IKBKE: variants seen among roughly 807,000 people sequenced by gnomAD.
IKBKE encodes the protein inhibitor of nuclear factor kappa B kinase subunit epsilon.
IKBKE carries 45 observed loss-of-function variants against 92.1 expected under a neutral mutation model. That is an observed-to-expected ratio of 0.49 (90% CI 0.38 to 0.63). The LOEUF (loss-of-function observed/expected upper bound fraction) is 0.63, where lower values mean the gene tolerates loss of function less well. Ranked by LOEUF, IKBKE falls within the 20% of genes least tolerant of loss-of-function variation. IKBKE has a pLI of 0.00. For synonymous variants in IKBKE, 374 were observed against 380.3 expected (o/e 0.98, Z 0.19); for missense variants, 700 against 932.8 (o/e 0.75, Z 3.25).
Position 206,487,639 on chromosome 1 carries a change from G to A in IKBKE, c.1617-275G>A, listed in dbSNP as rs370214229. ...ACGTTCCTGTTGCCCGTCCTGCTTG[G>A]CTTCCTGTCTCTCTTATCTCCTACT... On this transcript the variant is annotated intron_variant, in intron 15 of 21. Coordinates refer to ENST00000581977, the MANE Select transcript of IKBKE (RefSeq NM_014002.4). The surrounding 1 kb of genome is among the most constrained non-coding windows in gnomAD (Gnocchi z 5.3). 1.3e-5 allele frequency among the ~76,000 whole-genome samples: 2 copies of A among 152,100 alleles called. No homozygotes were observed. The highest frequency in any genetic ancestry group is 1.3e-4 in the Admixed American group (2 of 15,274).
rs1666040427 is a variant in IKBKE, at chr1:206,493,135, G to C, written c.1932+16G>C. ...TCTCAGCAAGGTGGGCATGGCAGAA[G>C]GATTCTAGGTGCTCTGGGGATGCAG... On this transcript the variant is annotated intron_variant, in intron 19 of 21. Transcript: ENST00000581977. 4 of 1,582,694 alleles carry C rather than the reference G, an allele frequency of 2.5e-6. No individual in the cohort carries two copies. The highest frequency in any genetic ancestry group is 2.6e-6 in the Non-Finnish European group (3 of 1,164,354).
Position 206,480,022 on chromosome 1 carries a change from G to A in IKBKE, c.1249G>A (p.Gly417Ser), listed in dbSNP as rs1665286539. Residue 417 changes from glycine to serine, a missense_variant and splice_region_variant, in exon 12 of 22, where the codon GGC (glycine) becomes AGC (serine). By Grantham distance (56) the Gly-to-Ser change is moderately conservative. Transcript: ENST00000581977. ...DLQADYNTAKGVLGAGYQALR... is the reference protein window; with the variant it reads ...DLQADYNTAKSVLGAGYQALR... Reference sequence around the variant, plus strand: ...GGCCCTGTGCATCTCTGTGTTTCAGGGCGTGTTGGGCGCCGGCTACCAGGC... The same window carrying A: ...GGCCCTGTGCATCTCTGTGTTTCAGAGCGTGTTGGGCGCCGGCTACCAGGC... 1 of 1,609,466 alleles carries A rather than the reference G, an allele frequency of 6.2e-7. No homozygotes were observed. Among genetic ancestry groups the A allele is most frequent in the Non-Finnish European group, 8.5e-7 (1 of 1,178,254 alleles).
At position 206,477,940 on chromosome 1, in the gene IKBKE, C is replaced by T; in HGVS notation, c.812+81C>T. 2 of 1,043,048 alleles carry T rather than the reference C, an allele frequency of 1.9e-6. 1 individual carries two copies. The highest frequency in any genetic ancestry group is 2.8e-5 in the South Asian group (2 of 72,530). The allele number at this position is 1,043,048 out of a possible 1,614,324, so 64.6% of individuals were successfully genotyped here. A position where few individuals can be genotyped will look rare whatever the true frequency, so the allele number is the denominator to read the frequency against. ...CTCTGCTAAGTCAAGACTTCTGAGG[C>T]CTGTTCCAGCAGGTTCCGGGCATGC... On this transcript the variant is annotated intron_variant, in intron 8 of 21. Transcript: ENST00000581977.
At chr1:206,477,699 C>A (rs367851984) in intron 7 of IKBKE, 50 bp from the exon 8 acceptor site, 3 of 1,176,724 alleles carry the variant, frequency 2.5e-6, no homozygotes, top group Non-Finnish European at 3.7e-6. Flanking sequence ...TGTCGTTGCC[C>A]GGCAATGTGA....
intron 18 of IKBKE, chr1:206,492,686 G>A (rs781923659): frequency 1.9e-6 from 1 of 519,658 alleles, no homozygotes; most frequent in East Asian, 5.1e-5. Flanking sequence ...CACACTGAGA[G>A]CCCTGGTGTG....
At chr1:206,480,150 C>A (rs201174054) in intron 12 of IKBKE, 37 bp downstream of exon 12, 31 of 1,350,980 alleles carry the variant, frequency 2.3e-5, no homozygotes, top group Admixed American at 2.8e-5. Flanking sequence ...GAGGGGGAGG[C>A]GGGCAGGAGA....
At chr1:206,472,747 A>G (rs2103445836) in intron 2 of IKBKE, 2 of 200,656 alleles carry the variant, frequency 1.0e-5, no homozygotes, top group South Asian at 7.2e-5. Flanking sequence ...AATCCTGGAG[A>G]TTTGTGGTGG....
intron 15 of IKBKE, among the ~76,000 whole-genome samples, chr1:206,486,477 G>T (rs1276733856): frequency 6.6e-6 from 1 of 150,972 alleles, no homozygotes; most frequent in African/African-American, 2.4e-5. Context: ...TTGGATGAAG[G>T]CTGTGGATCG....
Position 206,478,293 on chromosome 1 carries a change from C to A in IKBKE, c.946C>A (p.Leu316Met). ...LQRVVVHVFS[L>M]SQAVLHHIYI... is the part of the protein sequence containing the mutation. Reference sequence around the variant, plus strand: ...GCGAGTTGTCGTCCATGTCTTCTCCCTGTCCCAGGCAGTCCTGCACCACAT... The same window carrying A: ...GCGAGTTGTCGTCCATGTCTTCTCCATGTCCCAGGCAGTCCTGCACCACAT... Residue 316 changes from leucine to methionine, a missense_variant, in exon 9 of 22, where the codon CTG becomes ATG. Physicochemically the swap from Leu to Met is conservative, Grantham distance 15. Transcript: ENST00000581977. This position sits in a 1 kb window ranked among gnomAD's most constrained non-coding sequence, Gnocchi z 4.8. 6.2e-7 allele frequency: 1 copy of A among 1,614,096 alleles called. No individual in the cohort carries two copies.
rs936213243 is a variant in IKBKE, at chr1:206,485,912, C to T, written c.1616+606C>T. Among the ~76,000 whole-genome samples the T allele has an allele frequency of 6.6e-6, 1 of 152,216 alleles. No individual in the cohort carries two copies. The highest frequency in any genetic ancestry group is 1.9e-4 in the East Asian group (1 of 5,192). Reference sequence around the variant, plus strand: ...CCCAGCTGACTGTGGGGAGCCGCTGCCTACCTTGCCGCTTCTGACCAGGGG... The same window carrying T: ...CCCAGCTGACTGTGGGGAGCCGCTGTCTACCTTGCCGCTTCTGACCAGGGG... On this transcript the variant is annotated intron_variant, in intron 15 of 21. Coordinates refer to ENST00000581977, the MANE Select transcript of IKBKE (RefSeq NM_014002.4). The surrounding 1 kb of genome is among the most constrained non-coding windows in gnomAD (Gnocchi z 5.0).
chr1:206,472,427 T>TG (rs752209736), intron 2 of IKBKE, among the ~76,000 whole-genome samples: 1 of 152,256 alleles, frequency 6.6e-6, no homozygotes, highest in East Asian at 1.9e-4. Flanking sequence ...AACTAGGCTT[T>TG]GGGGAAAAGA....
In IKBKE at chr1:206,490,787, T is replaced by G; in HGVS notation, c.1694-32T>G. Reference sequence around the variant, plus strand: ...CACACTGTTTCGTTGACTGATTGAATAGGTGACATCTGTTCTGTCTGTTTC... The same window carrying G: ...CACACTGTTTCGTTGACTGATTGAAGAGGTGACATCTGTTCTGTCTGTTTC... On this transcript the variant is annotated intron_variant, in intron 16 of 21. Transcript: ENST00000581977. This position sits in a 1 kb window ranked among gnomAD's most constrained non-coding sequence, Gnocchi z 5.2. 1.2e-6 allele frequency: 2 copies of G among 1,610,930 alleles called. No homozygotes were observed. The highest frequency in any genetic ancestry group is 1.7e-6 in the Non-Finnish European group (2 of 1,177,022).
In IKBKE at chr1:206,490,211, C is replaced by T. The variant is rs1665877707; in HGVS notation, c.1694-608C>T. On this transcript the variant is annotated intron_variant, in intron 16 of 21. Coordinates refer to ENST00000581977, the MANE Select transcript of IKBKE (RefSeq NM_014002.4). The surrounding 1 kb of genome is among the most constrained non-coding windows in gnomAD (Gnocchi z 5.2). ...TCGAAGTGAACCGCCATCATCATTT[C>T]ATCTTGGGGCTGCCGCCACCCTGGA... Among the ~76,000 whole-genome samples the T allele has an allele frequency of 6.6e-6, 1 of 152,200 alleles. No homozygotes were observed.
rs782771226 is a variant in IKBKE at position 206,478,358 on chromosome 1, G to A, written c.992+19G>A. ...ACAACACGTAAGTGGGGGCGAGGGA[G>A]GGAAGCGGTGAGAACCTTCTCTACC... On this transcript the variant is annotated intron_variant, in intron 9 of 21. Transcript: ENST00000581977. This position sits in a 1 kb window ranked among gnomAD's most constrained non-coding sequence, Gnocchi z 4.8. The A allele has an allele frequency of 1.1e-4, 173 of 1,608,292 alleles. 2 individuals are homozygous for A. In the Admixed American group the frequency reaches 2.9e-3, roughly 27 times the overall value.
chr1:206,493,871 C>G (rs782633288), intron 20 of IKBKE, 49 bp from the exon 21 acceptor site: 37 of 1,520,810 alleles, frequency 2.4e-5, no homozygotes, highest in Non-Finnish European at 3.3e-5. Context: ...AGGGTCTGGG[C>G]AGGGCAACTT....
intron 19 of IKBKE, 64 bp from the exon 20 acceptor site, chr1:206,493,202 T>TC: frequency 6.5e-7 from 1 of 1,548,324 alleles, no homozygotes; most frequent in Non-Finnish European, 8.9e-7. Context: ...CCTCCAGCAC[T>TC]CCCCCTACCC....
At chr1:206,479,986 G>A (rs1466900147) in intron 11 of IKBKE, 36 bp from the exon 12 acceptor site, 3 of 1,612,572 alleles carry the variant, frequency 1.9e-6, no homozygotes, top group Non-Finnish European at 2.5e-6. Context: ...AGGGTAGGAG[G>A]TGTGGGACCT....
intron 13 of IKBKE, among the ~76,000 whole-genome samples, chr1:206,481,055 T>A (rs1553386936): frequency 6.6e-6 from 1 of 152,132 alleles, no homozygotes; most frequent in African/African-American, 2.4e-5. Flanking sequence ...CACTCCCTTG[T>A]CTTGGGCTAA....
chr1:206,473,960 CAAAAAAA>C (rs58205740), intron 3 of IKBKE, among the ~76,000 whole-genome samples: 7 of 62,238 alleles, frequency 1.1e-4, no homozygotes, highest in South Asian at 1.3e-3. Context: ...GGCTCCGTCT[CAAAAAAA>C]AAAAAAAAAA....
Sources: allele counts gnomAD v4.1 joint callset (sites outside exome capture counted in the v4.1 genomes callset), GRCh38; gene constraint gnomAD v4.1.1; non-coding constraint Gnocchi (gnomAD v3.1); transcripts MANE v1.5; gene names NCBI Gene and HGNC (gene_info 2026-07-23, HGNC 2026-07-21).